IKZF2: variants seen among roughly 807,000 people sequenced by gnomAD.
IKZF2 encodes the protein IKAROS family zinc finger 2.
Under a neutral mutation model 49.2 loss-of-function variants are expected in IKZF2, and 15 were observed. That is an observed-to-expected ratio of 0.30 (90% CI 0.20 to 0.47). IKZF2 has a LOEUF of 0.47. Ranked by LOEUF, IKZF2 falls within the 20% of genes least tolerant of loss-of-function variation. The pLI is 1.00. For missense variants in IKZF2, 567 were observed against 664.6 expected, an observed-to-expected ratio of 0.85 and a Z score of 1.61; for synonymous variants, 227 against 221.4, an observed-to-expected ratio of 1.03 and a Z score of -0.23.
At chr2:213,124,407 G>A (rs192744324) in intron 4 of IKZF2, among the ~76,000 whole-genome samples, 1,920 of 152,214 alleles carry the variant, frequency 0.013, 21 homozygotes, top group Non-Finnish European at 0.015. Flanking sequence ...GCAGAAGGGG[G>A]AAAGGGATAC....
At chr2:213,142,451 G>T (rs1202516786) in intron 4 of IKZF2, among the ~76,000 whole-genome samples, 1 of 151,928 alleles carries the variant, frequency 6.6e-6, no homozygotes, top group Non-Finnish European at 1.5e-5. Flanking sequence ...ACAAGTCATA[G>T]GTCCATAAAA....
At position 213,133,703 on chromosome 2, in the gene IKZF2, A is replaced by AAAATAAATAAATAAAT. The variant is rs145388709; in HGVS notation, c.139+13989_139+14004dup. ...CGACAAAGATAGACTCCGTCTCGAA[A>AAAATAAATAAATAAAT]AAATAAATAAATAAATAAATAAATA... On this transcript the variant is annotated intron_variant, in intron 4 of 8. Transcript: ENST00000434687. Among the ~76,000 whole-genome samples, 949 of 145,460 alleles carry AAAATAAATAAATAAAT rather than the reference A, an allele frequency of 6.5e-3. 6 individuals carry two copies. The highest frequency in any genetic ancestry group is 0.018 in the African/African-American group (720 of 39,600).
intron 4 of IKZF2, among the ~76,000 whole-genome samples, chr2:213,064,739 C>T (rs62187833): frequency 0.37 from 33,619 of 91,186 alleles, 5,188 homozygotes; most frequent in East Asian, 0.69. Flanking sequence ...ATGTCTTGCA[C>T]ATCTGTTTTT....
At chr2:213,124,250 G>GCA (rs1229229855) in intron 4 of IKZF2, among the ~76,000 whole-genome samples, 5 of 93,542 alleles carry the variant, frequency 5.3e-5, no homozygotes, top group Non-Finnish European at 6.2e-5. Flanking sequence ...TCGCGCGCGC[G>GCA]CGCACACACA....
intron 4 of IKZF2, among the ~76,000 whole-genome samples, chr2:213,121,143 T>A (rs1284800762): frequency 6.6e-6 from 1 of 152,252 alleles, no homozygotes; most frequent in African/African-American, 2.4e-5. Flanking sequence ...CATAAAGTAC[T>A]AAATAGATAC....
chr2:213,061,465 T>G (rs1043865417), intron 4 of IKZF2, among the ~76,000 whole-genome samples: 1 of 150,790 alleles, frequency 6.6e-6, no homozygotes, highest in Admixed American at 6.6e-5. Flanking sequence ...AATGGACATT[T>G]TCTTTGCCAC....
In IKZF2 at chr2:213,147,702, ACTTACTG is replaced by A. The variant is rs768617139; in HGVS notation, c.138_139+5del. 2.4e-4 allele frequency: 387 copies of A among 1,607,308 alleles called. 2 individuals are homozygous for A. Among genetic ancestry groups the A allele is most frequent in the Non-Finnish European group, 6.8e-6 (8 of 1,173,764 alleles). ...CACAAAAAAAAATCATAAAATGAAGACTTACTGCTTGTCATGTGACTTGGTGAGGCAT... is the reference window on the plus strand; with the variant it reads ...CACAAAAAAAAATCATAAAATGAAGACTTGTCATGTGACTTGGTGAGGCAT... On this transcript the variant is annotated splice_donor_variant and splice_donor_5th_base_variant and coding_sequence_variant and intron_variant, in exon 4 of 9. Coordinates refer to ENST00000434687, the MANE Select transcript of IKZF2 (RefSeq NM_001387220.1). LOFTEE classifies it high-confidence loss of function.
chr2:213,149,552 T>C (rs138778507), intron 2 of IKZF2, among the ~76,000 whole-genome samples: 170 of 152,306 alleles, frequency 1.1e-3, no homozygotes, highest in African/African-American at 3.9e-3. Context: ...TTACTTTTTT[T>C]TCCCCCTTTG....
chr2:213,017,523 A>T (rs1452692228), intron 7 of IKZF2, among the ~76,000 whole-genome samples: 1 of 152,118 alleles, frequency 6.6e-6, no homozygotes, highest in Non-Finnish European at 1.5e-5. Flanking sequence ...CATGCTGGTC[A>T]CCTGTGGAAA....
intron 4 of IKZF2, among the ~76,000 whole-genome samples, chr2:213,064,587 A>G (rs1169705155): frequency 6.6e-6 from 1 of 152,034 alleles, no homozygotes; most frequent in African/African-American, 2.4e-5. Flanking sequence ...TTGGCGGACA[A>G]CTAGTTCATG....
In IKZF2 at chr2:213,026,469, C is replaced by A. The variant is rs931478064; in HGVS notation, c.575-4339G>T. Among the ~76,000 whole-genome samples, 3 of 152,212 alleles carry A rather than the reference C, an allele frequency of 2.0e-5. No homozygotes were observed. The East Asian group carries it at 5.8e-4, about 29-fold the overall frequency. Reference sequence around the variant, plus strand: ...AATATCTTATGTGTCTTTGTAACTTCCGAAGAGTTTAGCAGGGTGCTTTGC... The same window carrying A: ...AATATCTTATGTGTCTTTGTAACTTACGAAGAGTTTAGCAGGGTGCTTTGC... On this transcript the variant is annotated intron_variant, in intron 6 of 8. Coordinates refer to ENST00000434687, the MANE Select transcript of IKZF2 (RefSeq NM_001387220.1).
At position 213,002,759 on chromosome 2, in the gene IKZF2, G is replaced by T. The variant is rs1336944916; in HGVS notation, c.*4601C>A. On this transcript the variant is annotated 3_prime_UTR_variant, in exon 9 of 9. Coordinates refer to ENST00000434687, the MANE Select transcript of IKZF2 (RefSeq NM_001387220.1). ...TCAATCTCTATTTTCTAACAGATTA[G>T]AAAATACAGATTCCAAGACTAGAAC... The T allele has an allele frequency of 1.3e-5, 2 of 151,844 alleles. No homozygotes were observed. The highest frequency in any genetic ancestry group is 4.8e-5 in the African/African-American group (2 of 41,372). The allele number at this position is 151,844 out of a possible 1,614,324, so 9.4% of individuals were successfully genotyped here.
chr2:213,096,741 G>A lies in IKZF2; in HGVS notation c.140-39642C>T, dbSNP rs1259110010. Among the ~76,000 whole-genome samples the A allele has an allele frequency of 2.6e-5, 4 of 151,934 alleles. No homozygotes were observed. The East Asian group carries it at 5.8e-4, about 22-fold the overall frequency. On this transcript the variant is annotated intron_variant, in intron 4 of 8. Coordinates refer to ENST00000434687, the MANE Select transcript of IKZF2 (RefSeq NM_001387220.1). ...GAAGGCATTATTAGGTGAAAAGAGA[G>A]GCAAGCGCATTATAAAGTTCCCATA...
intron 6 of IKZF2, among the ~76,000 whole-genome samples, chr2:213,034,590 G>A (rs181875470): frequency 6.6e-6 from 1 of 152,306 alleles, no homozygotes; most frequent in Admixed American, 6.5e-5. Context: ...GAAGCAGTCA[G>A]AGCTTACACA....
intron 4 of IKZF2, among the ~76,000 whole-genome samples, chr2:213,062,907 C>A (rs963236770): frequency 2.6e-5 from 4 of 151,932 alleles, no homozygotes; most frequent in Non-Finnish European, 2.9e-5. Context: ...AACAAAGTGC[C>A]TTCAAAACTG....
At position 213,057,041 on chromosome 2, in the gene IKZF2, G is replaced by A; in HGVS notation, c.198C>T (p.Ser66=). 6.2e-7 allele frequency: 1 copy of A among 1,613,644 alleles called. No individual in the cohort carries two copies. Among genetic ancestry groups the A allele is most frequent in the Non-Finnish European group, 8.5e-7 (1 of 1,179,834 alleles). ...SDEECDRKPL[S]REDEIRGHDE... ...CATGGCCCCTGATCTCATCTTCACGGCTCAGGGGTTTCCTGTCACACTCTT... is the reference window on the plus strand; with the variant it reads ...CATGGCCCCTGATCTCATCTTCACGACTCAGGGGTTTCCTGTCACACTCTT... Residue 66 remains serine (S), a synonymous_variant, in exon 5 of 9, where the codon AGC becomes AGT. Coordinates refer to ENST00000434687, the MANE Select transcript of IKZF2 (RefSeq NM_001387220.1).
At position 213,005,186 on chromosome 2, in the gene IKZF2, T is replaced by TTCGG. The variant is rs1695226055; in HGVS notation, c.*2173_*2174insCCGA. The stretch of plus-strand genomic sequence containing the variant: ...CATCCCAATTATTATTTGGGAGTGG[T>TTCGG]TGGGTGGGGGGGGGTGAGCGAGTCT... On this transcript the variant is annotated 3_prime_UTR_variant, in exon 9 of 9. Coordinates refer to ENST00000434687, the MANE Select transcript of IKZF2 (RefSeq NM_001387220.1). 6.3e-5 allele frequency: 3 copies of TTCGG among 47,340 alleles called. No homozygotes were observed. Among genetic ancestry groups the TTCGG allele is most frequent in the Admixed American group, 3.2e-4 (1 of 3,082 alleles). The allele number at this position is 47,340 out of a possible 1,614,324, so 2.9% of individuals were successfully genotyped here.
intron 4 of IKZF2, among the ~76,000 whole-genome samples, chr2:213,072,375 T>C (rs1702806281): frequency 6.6e-6 from 1 of 152,160 alleles, no homozygotes; most frequent in African/African-American, 2.4e-5. Flanking sequence ...AAAACTCATT[T>C]TGTCGCCAGC....
chr2:213,127,666 C>G (rs2060311324), intron 4 of IKZF2, among the ~76,000 whole-genome samples: 1 of 152,196 alleles, frequency 6.6e-6, no homozygotes, highest in African/African-American at 2.4e-5. Flanking sequence ...ATAGTCCTAG[C>G]ATAAAGACAG....
Sources: allele counts gnomAD v4.1 joint callset (sites outside exome capture counted in the v4.1 genomes callset), GRCh38; gene constraint gnomAD v4.1.1; transcripts MANE v1.5; gene names NCBI Gene and HGNC (gene_info 2026-07-23, HGNC 2026-07-21).